The following PCDH15 variants were observed in gnomAD, a reference collection of about 807,000 sequenced individuals.
The protein encoded by PCDH15 is protocadherin related 15, also known as protocadherin-15.
A neutral mutation model predicts 178.5 loss-of-function variants in PCDH15; 129 were observed. That is an observed-to-expected ratio of 0.72 (90% confidence interval 0.63 to 0.84). The LOEUF (loss-of-function observed/expected upper bound fraction) is 0.84. Ranked by LOEUF, PCDH15 falls within the 40% of genes least tolerant of loss-of-function variation. PCDH15 has a pLI of 0.00. For missense variants in PCDH15, 2,230 were observed against 2,099.9 expected (o/e 1.06, Z -1.21); for synonymous variants, 800 against 732.0 (o/e 1.09, Z -1.50).
chr10:55,392,507 T>G (rs776238938), intron 2 of PCDH15, among the ~76,000 whole-genome samples: 2 of 152,158 alleles, frequency 1.3e-5, no homozygotes, highest in East Asian at 1.9e-4. Flanking sequence ...TTCCACAGTA[T>G]AGTTGGTCCT....
rs756484846 is a variant in PCDH15 at position 54,079,340 on chromosome 10, C to T, written c.2082G>A (p.Arg694=). 5.0e-6 allele frequency: 8 copies of T among 1,613,934 alleles called. No individual in the cohort carries two copies. The African/African-American group carries it at 1.1e-4, about 22-fold the overall frequency. The part of the protein sequence containing the change: ...YILIITASDG[R]PDGTSTATVN... ...CAGGGAGCATACTCACCCCATCTGGCCTGCCATCTGAAGCTGTGATGATCA... is the reference window on the plus strand; with the variant it reads ...CAGGGAGCATACTCACCCCATCTGGTCTGCCATCTGAAGCTGTGATGATCA... Residue 694 remains arginine (R), a synonymous_variant, in exon 17 of 38, where the codon AGG becomes AGA. Transcript: ENST00000644397.
intron 2 of PCDH15, among the ~76,000 whole-genome samples, chr10:54,597,378 C>G (rs1333930859): frequency 6.6e-6 from 1 of 151,966 alleles, no homozygotes; most frequent in Non-Finnish European, 1.5e-5. Context: ...AGGCAGAAAT[C>G]AAGAAGTATT....
intron 6 of PCDH15, among the ~76,000 whole-genome samples, chr10:54,332,301 T>TATATAATATAATATAATCTA (rs1564989177): frequency 2.1e-5 from 1 of 47,138 alleles, no homozygotes; most frequent in Non-Finnish European, 6.6e-5. Flanking sequence ...ATATTACATA[T>TATATAATATAATATAATCTA]TATTATATAT....
chr10:54,577,591 C>T (rs1047211609), intron 2 of PCDH15, among the ~76,000 whole-genome samples: 15 of 151,856 alleles, frequency 9.9e-5, no homozygotes, highest in South Asian at 6.2e-4. Flanking sequence ...TATCACTCCA[C>T]GAAAATCCAG....
chr10:54,454,399 T>G (rs1488436930), intron 3 of PCDH15, among the ~76,000 whole-genome samples: 1 of 148,748 alleles, frequency 6.7e-6, no homozygotes, highest in East Asian at 2.0e-4. Context: ...ATCTATAGTA[T>G]TCAACTGATG....
At chr10:54,363,426 G>A (rs1301682757) in intron 5 of PCDH15, among the ~76,000 whole-genome samples, 1 of 152,116 alleles carries the variant, frequency 6.6e-6, no homozygotes, top group African/African-American at 2.4e-5. Flanking sequence ...GTTTTCAGGT[G>A]AGAAATCTGA....
intron 26 of PCDH15, among the ~76,000 whole-genome samples, chr10:53,899,919 A>G (rs2133613056): frequency 6.6e-6 from 1 of 152,250 alleles, no homozygotes; most frequent in East Asian, 1.9e-4. Context: ...CTTGCCTCCT[A>G]TCACTCAGAT....
chr10:54,116,218 G>GGAAT (rs2095109886), intron 15 of PCDH15, among the ~76,000 whole-genome samples: 1 of 140,648 alleles, frequency 7.1e-6, no homozygotes, highest in Non-Finnish European at 1.5e-5. Flanking sequence ...AGTTGTCAAT[G>GGAAT]GAATGGGCAC....
At chr10:53,980,722 T>C (rs2134603656) in intron 21 of PCDH15, among the ~76,000 whole-genome samples, 1 of 152,342 alleles carries the variant, frequency 6.6e-6, no homozygotes, top group East Asian at 1.9e-4. Context: ...AATTAACTGC[T>C]GTACAATATA....
intron 2 of PCDH15, among the ~76,000 whole-genome samples, chr10:55,397,290 A>T (rs970251906): frequency 3.9e-5 from 6 of 152,158 alleles, no homozygotes; most frequent in African/African-American, 1.4e-4. Flanking sequence ...TTTAGTTAAG[A>T]AAACTCGAAA....
intron 1 of PCDH15, among the ~76,000 whole-genome samples, chr10:55,305,359 A>G (rs552680750): frequency 2.0e-5 from 3 of 152,346 alleles, no homozygotes; most frequent in South Asian, 4.1e-4. Flanking sequence ...CAGAGATGAA[A>G]TGTTTCAATA....
rs1805583339 is a variant in PCDH15, at chr10:54,455,837, TC to T, written c.157+71974del. Among the ~76,000 whole-genome samples the T allele has an allele frequency of 2.6e-5, 4 of 152,232 alleles. No homozygotes were observed. In the South Asian group the frequency reaches 8.3e-4, roughly 32 times the overall value. Reference sequence around the variant, plus strand: ...CAGCCTCAGGACATGGTGCTCTGCATCCCAGCTGCTTCAGCTCCAGCCATGG... The same window carrying T: ...CAGCCTCAGGACATGGTGCTCTGCATCCAGCTGCTTCAGCTCCAGCCATGG... On this transcript the variant is annotated intron_variant, in intron 3 of 37. Transcript: ENST00000644397.
At chr10:54,326,158 G>A (rs544018000) in intron 7 of PCDH15, among the ~76,000 whole-genome samples, 1 of 152,212 alleles carries the variant, frequency 6.6e-6, no homozygotes, top group African/African-American at 2.4e-5. Flanking sequence ...ACTGAACTCA[G>A]AGTTTGAAAG....
intron 15 of PCDH15, among the ~76,000 whole-genome samples, chr10:54,113,159 T>C (rs191291988): frequency 5.4e-4 from 83 of 152,312 alleles, no homozygotes; most frequent in Non-Finnish European, 8.1e-4. Context: ...GTGTAGGCAT[T>C]TCTCCAAATT....
intron 1 of PCDH15, among the ~76,000 whole-genome samples, chr10:55,278,666 T>G (rs1372613504): frequency 2.0e-5 from 3 of 152,232 alleles, no homozygotes; most frequent in Non-Finnish European, 4.4e-5. Flanking sequence ...CCAGAATCAG[T>G]AAGAATTTAT....
intron 3 of PCDH15, among the ~76,000 whole-genome samples, chr10:54,829,654 A>G (rs1261280569): frequency 2.0e-5 from 3 of 152,024 alleles, no homozygotes; most frequent in East Asian, 1.9e-4. Context: ...GTGTTTCAAA[A>G]TGTTGTCTGT....
chr10:55,546,511 C>CAAA (rs1293065230), intron 2 of PCDH15, among the ~76,000 whole-genome samples: 1 of 151,956 alleles, frequency 6.6e-6, no homozygotes, highest in Non-Finnish European at 1.5e-5. Context: ...AAAGTGTTTA[C>CAAA]AGGGGGCAAA....
chr10:54,878,974 G>T (rs898952008), intron 3 of PCDH15, among the ~76,000 whole-genome samples: 1 of 151,950 alleles, frequency 6.6e-6, no homozygotes, highest in Non-Finnish European at 1.5e-5. Context: ...ATTTTATTTG[G>T]AATTAATATA....
chr10:54,191,361 A>G (rs2048971684), intron 11 of PCDH15, among the ~76,000 whole-genome samples: 1 of 152,190 alleles, frequency 6.6e-6, no homozygotes, highest in South Asian at 2.1e-4. Flanking sequence ...GCCTGAGGTG[A>G]GCTCTAAACA....
Sources: gnomAD v4.1 joint callset for allele counts (sites outside exome capture counted in the v4.1 genomes callset) on GRCh38, gnomAD v4.1.1 for gene constraint, MANE v1.5 for transcripts, NCBI Gene and HGNC (gene_info 2026-07-23, HGNC 2026-07-21) for gene names.